The following ADGRV1 variants were observed in gnomAD, a reference collection of about 807,000 sequenced individuals.
The protein encoded by ADGRV1 is adhesion G protein-coupled receptor V1.
ADGRV1 carries 359 observed loss-of-function variants against 596.2 expected under a neutral mutation model. The ratio of observed to expected loss-of-function variants is 0.60; its 90% CI spans 0.55 to 0.66. ADGRV1 has a LOEUF of 0.66. Ranked by LOEUF, ADGRV1 falls within the 30% of genes least tolerant of loss-of-function variation. The pLI is 0.00. For missense variants in ADGRV1, 7,274 were observed against 7,575.6 expected (o/e 0.96, Z 1.48); for synonymous variants, 2,681 against 2,679.2 (o/e 1.00, Z -0.02).
intron 87 of ADGRV1, among the ~76,000 whole-genome samples, chr5:91,113,277 G>A (rs1792541577): frequency 6.6e-6 from 1 of 152,092 alleles, no homozygotes. Flanking sequence ...AAGAACTGGA[G>A]AACTCACACT....
chr5:90,825,711 C>T (rs980696242), intron 76 of ADGRV1: 3 of 152,158 alleles, frequency 2.0e-5, no homozygotes, highest in African/African-American at 7.2e-5. Context: ...AGACTACTTC[C>T]TCTGAGCTTG....
intron 87 of ADGRV1, 88 bp downstream of exon 87, chr5:91,102,428 C>T: frequency 4.3e-6 from 5 of 1,160,808 alleles, no homozygotes; most frequent in Non-Finnish European, 5.9e-6. Context: ...GTCAAGCATC[C>T]ACACACAGGT....
At chr5:90,982,511 A>G (rs1457734116) in intron 84 of ADGRV1, among the ~76,000 whole-genome samples, 1 of 152,220 alleles carries the variant, frequency 6.6e-6, no homozygotes, top group Non-Finnish European at 1.5e-5. Flanking sequence ...TAAGTTAACT[A>G]AGTTGAGCTA....
chr5:90,723,908 A>C (rs1437238135), intron 45 of ADGRV1, among the ~76,000 whole-genome samples: 1 of 151,414 alleles, frequency 6.6e-6, no homozygotes, highest in Admixed American at 6.6e-5. Flanking sequence ...TAGTTAGGGG[A>C]TTTTTATTTT....
chr5:90,619,563 A>G (rs1477262100), intron 4 of ADGRV1, among the ~76,000 whole-genome samples: 4 of 152,110 alleles, frequency 2.6e-5, no homozygotes, highest in African/African-American at 9.7e-5. Flanking sequence ...AGTTAATGGG[A>G]GATGAGAAAG....
chr5:90,948,512 A>G (rs1168478507), intron 83 of ADGRV1, among the ~76,000 whole-genome samples: 3 of 152,090 alleles, frequency 2.0e-5, no homozygotes, highest in South Asian at 2.1e-4. Context: ...GTATAAACAC[A>G]TGGTATCCTA....
intron 18 of ADGRV1, 91 bp from the exon 19 acceptor site, chr5:90,652,255 A>G: frequency 3.3e-6 from 3 of 896,240 alleles, no homozygotes; most frequent in East Asian, 2.6e-5. Flanking sequence ...TTAAGACAAT[A>G]GATAGTAAAA....
At chr5:90,940,515 A>G (rs188639749) in intron 83 of ADGRV1, among the ~76,000 whole-genome samples, 5 of 152,262 alleles carry the variant, frequency 3.3e-5, no homozygotes, top group Non-Finnish European at 7.3e-5. Context: ...AATTGTAAAC[A>G]TATATGCACT....
intron 21 of ADGRV1, among the ~76,000 whole-genome samples, chr5:90,658,834 G>T (rs1015286832): frequency 6.6e-6 from 1 of 151,822 alleles, no homozygotes; most frequent in African/African-American, 2.4e-5. Context: ...TCAAAGATTC[G>T]TAATCATCTT....
At chr5:91,070,026 G>A (rs192414433) in intron 85 of ADGRV1, among the ~76,000 whole-genome samples, 1 of 151,926 alleles carries the variant, frequency 6.6e-6, no homozygotes, top group Non-Finnish European at 1.5e-5. Flanking sequence ...CAAATACCAC[G>A]TGTTTTCACT....
chr5:91,155,674 G>A (rs572474902), intron 89 of ADGRV1, among the ~76,000 whole-genome samples: 1 of 152,262 alleles, frequency 6.6e-6, no homozygotes, highest in Admixed American at 6.5e-5. Context: ...TCATTGTGGG[G>A]GAGCAGAACA....
chr5:90,841,397 T>G, intron 78 of ADGRV1, among the ~76,000 whole-genome samples: 1 of 152,194 alleles, frequency 6.6e-6, no homozygotes, highest in East Asian at 1.9e-4. Context: ...TTAAATGCCA[T>G]GGAATAGAAA....
intron 86 of ADGRV1, among the ~76,000 whole-genome samples, chr5:91,075,800 T>C (rs1261295481): frequency 1.3e-5 from 2 of 151,836 alleles, no homozygotes; most frequent in African/African-American, 4.9e-5. Context: ...GTTTCTCTCA[T>C]TGCCCCAAAA....
chr5:90,699,570 A>G (rs147896194), intron 34 of ADGRV1, among the ~76,000 whole-genome samples: 3 of 152,260 alleles, frequency 2.0e-5, no homozygotes, highest in Admixed American at 6.5e-5. Context: ...TTTCTTTTCT[A>G]AGGAATACAA....
At position 90,811,107 on chromosome 5, in the gene ADGRV1, T is replaced by G; in HGVS notation, c.15847T>G (p.Ser5283Ala). 1.2e-6 allele frequency: 2 copies of G among 1,613,834 alleles called. No homozygotes were observed. The highest frequency in any genetic ancestry group is 1.7e-6 in the Non-Finnish European group (2 of 1,179,732). Residue 5283 changes from serine to alanine, a missense_variant, in exon 74 of 90, where the codon TCC becomes GCC. Physicochemically the swap from Ser to Ala is moderately conservative, Grantham distance 99. Transcript: ENST00000405460. ...ALPFRGIYGI[S>A]NLTWAVEEED... ...GCCCTTTCGTGGTATCTATGGGATTTCCAACCTAACATGGGCAGTTGAAGA... is the reference window on the plus strand; with the variant it reads ...GCCCTTTCGTGGTATCTATGGGATTGCCAACCTAACATGGGCAGTTGAAGA...
intron 1 of ADGRV1, among the ~76,000 whole-genome samples, chr5:90,607,005 A>G (rs1762182747): frequency 6.6e-6 from 1 of 152,188 alleles, no homozygotes; most frequent in Non-Finnish European, 1.5e-5. Context: ...CCACTTAACT[A>G]ATAGTTTCAT....
At chr5:90,806,418 C>T (rs1761907295) in intron 72 of ADGRV1, among the ~76,000 whole-genome samples, 1 of 152,144 alleles carries the variant, frequency 6.6e-6, no homozygotes, top group African/African-American at 2.4e-5. Flanking sequence ...GGCATGTCCC[C>T]TAAGTTAAAG....
chr5:90,765,909 T>TTTAA (rs1412669241), intron 59 of ADGRV1, among the ~76,000 whole-genome samples: 2 of 151,452 alleles, frequency 1.3e-5, no homozygotes, highest in African/African-American at 4.8e-5. Flanking sequence ...TTTATTTTAT[T>TTTAA]TTAATTAATT....
intron 85 of ADGRV1, among the ~76,000 whole-genome samples, chr5:91,002,995 C>G (rs1406870614): frequency 3.3e-5 from 5 of 152,140 alleles, no homozygotes; most frequent in Non-Finnish European, 7.4e-5. Flanking sequence ...CCCCAGTAGA[C>G]TCTACTCCTG....
Sources: gnomAD v4.1 joint callset for allele counts (sites outside exome capture counted in the v4.1 genomes callset) on GRCh38, gnomAD v4.1.1 for gene constraint, MANE v1.5 for transcripts, NCBI Gene and HGNC (gene_info 2026-07-23, HGNC 2026-07-21) for gene names.